The following PTPRM variants were observed in gnomAD, a reference collection of about 807,000 sequenced individuals.
PTPRM encodes protein tyrosine phosphatase receptor type M.
In PTPRM, 47 loss-of-function variants were observed where a neutral mutation model predicts 186.7. That is an observed-to-expected ratio of 0.25 (90% confidence interval 0.20 to 0.32). The LOEUF (loss-of-function observed/expected upper bound fraction) is 0.32. PTPRM is among the 10% of genes least tolerant of loss of function. The pLI is 1.00. For synonymous variants in PTPRM, 668 were observed against 674.9 expected (o/e 0.99, Z 0.16); for missense variants, 1,494 against 1,865.0 (o/e 0.80, Z 3.66).
intron 1 of PTPRM, among the ~76,000 whole-genome samples, chr18:7,700,913 G>T (rs969956991): frequency 7.0e-6 from 1 of 141,968 alleles, no homozygotes; most frequent in East Asian, 2.3e-4. Context: ...GGAGACGGAG[G>T]TTGCAGTGAG....
chr18:8,096,425 C>T (rs140033443), intron 11 of PTPRM, among the ~76,000 whole-genome samples: 1 of 152,222 alleles, frequency 6.6e-6, no homozygotes, highest in African/African-American at 2.4e-5. Context: ...ATGCGTTCCC[C>T]TCTTATTGAC....
chr18:8,109,939 A>G (rs1331926132), intron 11 of PTPRM, among the ~76,000 whole-genome samples: 1 of 152,200 alleles, frequency 6.6e-6, no homozygotes, highest in Non-Finnish European at 1.5e-5. Flanking sequence ...TCCTCTTACC[A>G]TAAAACCTTT....
At chr18:8,228,314 A>G (rs981854026) in intron 14 of PTPRM, among the ~76,000 whole-genome samples, 6 of 152,174 alleles carry the variant, frequency 3.9e-5, no homozygotes, top group African/African-American at 1.4e-4. Context: ...CAGAGCTCAC[A>G]AGTTTTTCCT....
intron 1 of PTPRM, among the ~76,000 whole-genome samples, chr18:7,634,299 C>G (rs2038262122): frequency 2.0e-5 from 3 of 152,014 alleles, no homozygotes; most frequent in African/African-American, 7.2e-5. Context: ...TGTTGCCTCT[C>G]TTCAATTTGA....
intron 21 of PTPRM, 106 bp from the exon 22 acceptor site, chr18:8,319,072 G>A: frequency 1.4e-6 from 1 of 739,700 alleles, no homozygotes; most frequent in Non-Finnish European, 2.3e-6. Context: ...AGGTGATGCA[G>A]CTATTGGCGT....
chr18:7,965,690 GT>G (rs2147230069), intron 7 of PTPRM, among the ~76,000 whole-genome samples: 1 of 152,292 alleles, frequency 6.6e-6, no homozygotes, highest in Admixed American at 6.5e-5. Flanking sequence ...GACTTACCAG[GT>G]ATGTTATGTG....
At chr18:8,279,725 G>T (rs1334994211) in intron 19 of PTPRM, among the ~76,000 whole-genome samples, 1 of 152,168 alleles carries the variant, frequency 6.6e-6, no homozygotes. Context: ...GATGCTCAGA[G>T]AAGCAGAGAT....
chr18:7,786,438 C>T (rs1268048562), intron 2 of PTPRM, among the ~76,000 whole-genome samples: 3 of 151,986 alleles, frequency 2.0e-5, no homozygotes, highest in Admixed American at 1.3e-4. Flanking sequence ...TTGTATATTT[C>T]CTTGCTTTGT....
chr18:8,146,651 G>C (rs1373608830), intron 14 of PTPRM, among the ~76,000 whole-genome samples: 1 of 152,110 alleles, frequency 6.6e-6, no homozygotes, highest in Non-Finnish European at 1.5e-5. Context: ...AAGCTCTTTA[G>C]TTTAATTAGA....
chr18:8,023,831 G>GACACACACACACACACACACAC (rs71354587), intron 7 of PTPRM, among the ~76,000 whole-genome samples: 218 of 110,248 alleles, frequency 2.0e-3, no homozygotes, highest in African/African-American at 6.6e-3. Flanking sequence ...ATTATCAGAA[G>GACACACACACACACACACACAC]ACACACACAC....
chr18:8,376,997 G>C (rs1236167634), intron 26 of PTPRM: 1 of 168,712 alleles, frequency 5.9e-6, no homozygotes, highest in African/African-American at 2.4e-5. Context: ...TCTTCTCCCA[G>C]GGTCCTGGGA....
At chr18:7,852,851 G>T (rs896668859) in intron 2 of PTPRM, among the ~76,000 whole-genome samples, 35 of 152,148 alleles carry the variant, frequency 2.3e-4, no homozygotes, top group African/African-American at 7.0e-4. Context: ...GAGAGACCCT[G>T]TCAATCAACC....
intron 14 of PTPRM, among the ~76,000 whole-genome samples, chr18:8,200,782 C>A (rs933158578): frequency 6.6e-6 from 1 of 152,160 alleles, no homozygotes; most frequent in Non-Finnish European, 1.5e-5. Flanking sequence ...ATTAAAATTT[C>A]ACATTTGTGT....
At chr18:8,379,394 C>A in intron 28 of PTPRM, 54 bp downstream of exon 28, 6 of 1,509,816 alleles carry the variant, frequency 4.0e-6, no homozygotes, top group South Asian at 1.3e-5. Flanking sequence ...GGGGAGACTG[C>A]AGAACAGGCT....
intron 1 of PTPRM, among the ~76,000 whole-genome samples, chr18:7,663,901 G>C (rs1449429093): frequency 1.3e-5 from 2 of 152,146 alleles, no homozygotes; most frequent in African/African-American, 4.8e-5. Context: ...CCCCCCTCCA[G>C]CCCCAGGACA....
chr18:8,149,657 A>G (rs1286004227), intron 14 of PTPRM, among the ~76,000 whole-genome samples: 1 of 147,584 alleles, frequency 6.8e-6, no homozygotes, highest in Non-Finnish European at 1.5e-5. Context: ...ATGTAAGGTT[A>G]ATATTGTTAT....
intron 14 of PTPRM, among the ~76,000 whole-genome samples, chr18:8,239,718 T>C (rs1212591877): frequency 6.6e-6 from 1 of 152,194 alleles, no homozygotes; most frequent in South Asian, 2.1e-4. Flanking sequence ...CCAACAAATC[T>C]AAGAAAAGTT....
At chr18:8,132,031 T>C (rs2145950386) in intron 13 of PTPRM, among the ~76,000 whole-genome samples, 1 of 152,354 alleles carries the variant, frequency 6.6e-6, no homozygotes, top group South Asian at 2.1e-4. Context: ...GTGTTGCTAA[T>C]GATGCAGTTA....
At chr18:8,259,112 CT>C in intron 19 of PTPRM, among the ~76,000 whole-genome samples, 1 of 152,054 alleles carries the variant, frequency 6.6e-6, no homozygotes, top group South Asian at 2.1e-4. Context: ...CCATGCCCGG[CT>C]CATTTTTGTA....
Sources: allele counts gnomAD v4.1 joint callset (sites outside exome capture counted in the v4.1 genomes callset), GRCh38; gene constraint gnomAD v4.1.1; transcripts MANE v1.5; gene names NCBI Gene and HGNC (gene_info 2026-07-23, HGNC 2026-07-21).